EPB41: variants seen among roughly 807,000 people sequenced by gnomAD.
EPB41 encodes protein 4.1.
In EPB41, 65 loss-of-function variants were observed where a neutral mutation model predicts 108.0. That is an observed-to-expected ratio of 0.60 (90% CI 0.49 to 0.74). The LOEUF is 0.74. Among genes scored for constraint, EPB41 ranks in the 30% least tolerant of loss-of-function variants. The pLI is 0.00. For missense variants in EPB41, 875 were observed against 1,037.0 expected, an observed-to-expected ratio of 0.84 and a Z score of 2.15; for synonymous variants, 336 against 358.9, an observed-to-expected ratio of 0.94 and a Z score of 0.72.
chr1:28,971,386 G>T (rs2095494165), intron 1 of EPB41, among the ~76,000 whole-genome samples: 1 of 151,732 alleles, frequency 6.6e-6, no homozygotes, highest in African/African-American at 2.4e-5. Flanking sequence ...GTTTCACCAT[G>T]TTGACCAGGC....
chr1:28,948,225 T>G (rs984687769), intron 1 of EPB41, among the ~76,000 whole-genome samples: 14 of 152,180 alleles, frequency 9.2e-5, no homozygotes, highest in African/African-American at 3.4e-4. Flanking sequence ...TTATTGAAAG[T>G]GAAGCAGGCT....
intron 4 of EPB41, among the ~76,000 whole-genome samples, chr1:29,009,707 A>G (rs751051737): frequency 1.1e-4 from 17 of 152,182 alleles, no homozygotes; most frequent in Non-Finnish European, 2.1e-4. Context: ...AGTCTAAATG[A>G]AAGACTAAGG....
At chr1:29,106,564 ATTTTTTTTTTT>A (rs1187973613) in intron 17 of EPB41, among the ~76,000 whole-genome samples, 2 of 50,880 alleles carry the variant, frequency 3.9e-5, no homozygotes, top group Admixed American at 3.4e-4. Flanking sequence ...AGTAGCTGGG[ATTTTTTTTTTT>A]TTTTTTTTTT....
chr1:28,982,012 A>G (rs1389650937), intron 1 of EPB41, among the ~76,000 whole-genome samples: 3 of 151,940 alleles, frequency 2.0e-5, no homozygotes, highest in African/African-American at 7.3e-5. Flanking sequence ...GTCATTTAGC[A>G]TTAGGTATAT....
At chr1:29,001,864 A>G (rs773813975) in intron 4 of EPB41, among the ~76,000 whole-genome samples, 2 of 152,030 alleles carry the variant, frequency 1.3e-5, no homozygotes, top group Non-Finnish European at 2.9e-5. Context: ...ATTTTCATCT[A>G]TTGTTCTGGG....
intron 16 of EPB41, among the ~76,000 whole-genome samples, chr1:29,085,633 C>T (rs1658530320): frequency 6.6e-6 from 1 of 152,064 alleles, no homozygotes; most frequent in South Asian, 2.1e-4. Flanking sequence ...AGTTTACAAC[C>T]TCCACCTGCC....
intron 19 of EPB41, among the ~76,000 whole-genome samples, chr1:29,113,714 T>C (rs1220960295): frequency 6.6e-6 from 1 of 152,192 alleles, no homozygotes; most frequent in Non-Finnish European, 1.5e-5. Context: ...TTACCATCTG[T>C]AAAATAAGGA....
chr1:29,072,414 CTTTA>C (rs1008034961), intron 16 of EPB41: 20 of 152,166 alleles, frequency 1.3e-4, no homozygotes, highest in African/African-American at 4.8e-4. Flanking sequence ...ATAATCAGAA[CTTTA>C]TTTATACTTT....
chr1:29,040,321 C>A (rs780149482), intron 11 of EPB41, among the ~76,000 whole-genome samples: 1 of 151,660 alleles, frequency 6.6e-6, no homozygotes, highest in South Asian at 2.1e-4. Flanking sequence ...ACTCTGTGGC[C>A]CAGGCTGGAG....
intron 9 of EPB41, 84 bp downstream of exon 9, chr1:29,033,329 A>G (rs1260095838): frequency 2.0e-6 from 3 of 1,511,736 alleles, no homozygotes; most frequent in Non-Finnish European, 9.1e-7. Flanking sequence ...TTATTAAGTC[A>G]TCTGAGAAGT....
chr1:29,083,785 C>A (rs752186459), intron 16 of EPB41, among the ~76,000 whole-genome samples: 3 of 152,006 alleles, frequency 2.0e-5, no homozygotes, highest in African/African-American at 7.2e-5. Flanking sequence ...GAGGTTTTCC[C>A]CTAGGCACTT....
At chr1:29,047,149 T>C (rs143299046) in intron 11 of EPB41, among the ~76,000 whole-genome samples, 1 of 152,272 alleles carries the variant, frequency 6.6e-6, no homozygotes, top group East Asian at 1.9e-4. Context: ...TGGGAGGTTC[T>C]TTACTTACAG....
intron 17 of EPB41, among the ~76,000 whole-genome samples, chr1:29,104,738 C>G (rs998660554): frequency 6.6e-6 from 1 of 152,058 alleles, no homozygotes; most frequent in Non-Finnish European, 1.5e-5. Context: ...TGCGGGCCAC[C>G]ATGCCTGGCT....
chr1:29,101,539 G>T (rs1402339096), intron 17 of EPB41, among the ~76,000 whole-genome samples: 1 of 151,158 alleles, frequency 6.6e-6, no homozygotes, highest in Non-Finnish European at 1.5e-5. Flanking sequence ...GTGGTGGCGT[G>T]CACCTATAGT....
At position 28,951,361 on chromosome 1, in the gene EPB41, TACACACAC is replaced by T. The variant is rs58546363; in HGVS notation, c.-7-36042_-7-36035del. 6.1e-3 allele frequency among the ~76,000 whole-genome samples: 869 copies of T among 142,922 alleles called. 9 individuals carry two copies. The highest frequency in any genetic ancestry group is 0.035 in the Middle Eastern group (10 of 284). The allele number at this position is 142,922 out of a possible 152,430, so 93.8% of individuals were successfully genotyped here. On this transcript the variant is annotated intron_variant, in intron 1 of 20. Transcript: ENST00000343067. ...ACTCTTACACATTTACCCTGTGTCT[TACACACAC>T]ACACACACACACACACACACACACA...
At chr1:28,934,211 G>A (rs1002607497) in intron 1 of EPB41, among the ~76,000 whole-genome samples, 7 of 152,250 alleles carry the variant, frequency 4.6e-5, no homozygotes, top group Middle Eastern at 3.4e-3. Flanking sequence ...ACTTGATAAT[G>A]TGTTTTTGGG....
chr1:29,052,390 AGAGC>A (rs1450299447), intron 11 of EPB41, among the ~76,000 whole-genome samples: 1 of 152,248 alleles, frequency 6.6e-6, no homozygotes, highest in African/African-American at 2.4e-5. Flanking sequence ...TTAGAGAATA[AGAGC>A]TGTAATACAA....
intron 4 of EPB41, among the ~76,000 whole-genome samples, chr1:29,008,648 G>A (rs562207980): frequency 6.6e-6 from 1 of 152,252 alleles, no homozygotes; most frequent in East Asian, 1.9e-4. Flanking sequence ...TCTAATTGAT[G>A]TCACTCCTTT....
upstream of EPB41, among the ~76,000 whole-genome samples, chr1:28,910,338 T>A (rs1008901734): frequency 2.0e-4 from 30 of 152,340 alleles, no homozygotes; most frequent in African/African-American, 6.0e-4. Context: ...TAACTGTGAT[T>A]TTTTATCCTG....
Sources: gnomAD v4.1 joint callset for allele counts (sites outside exome capture counted in the v4.1 genomes callset) on GRCh38, gnomAD v4.1.1 for gene constraint, MANE v1.5 for transcripts, NCBI Gene and HGNC (gene_info 2026-07-23, HGNC 2026-07-21) for gene names.